The following LHX8 variants were observed in gnomAD, a reference collection of about 807,000 sequenced individuals.
The protein encoded by LHX8 is LIM homeobox 8, also known as LIM/homeobox protein Lhx8.
Under a neutral mutation model 40.3 loss-of-function variants are expected in LHX8, and 12 were observed. That is an observed-to-expected ratio of 0.30 (90% CI 0.19 to 0.48). The LOEUF (loss-of-function observed/expected upper bound fraction) is 0.48. LHX8 is among the 20% of genes least tolerant of loss of function. The pLI, the probability that LHX8 is intolerant of heterozygous loss-of-function variation, is 0.99. For missense variants in LHX8, 344 were observed against 433.7 expected, an observed-to-expected ratio of 0.79 and a Z score of 1.84; for synonymous variants, 179 against 162.0, an observed-to-expected ratio of 1.10 and a Z score of -0.80.
At position 75,137,153 on chromosome 1, in the gene LHX8, G is replaced by C. The variant is rs761552221; in HGVS notation, c.129G>C (p.Leu43=). The change falls in exon 3 of 9, where the codon CTG becomes CTC. Residue 43 remains leucine, a synonymous_variant. Transcript: ENST00000356261. ...DEDSCSSSAP[L]SPSSSPRSMA... The stretch of plus-strand genomic sequence containing the variant: ...ACTCGTGCTCCTCCTCGGCCCCGCT[G>C]TCCCCGTCGTCCTCGCCCCGGTCCA... The C allele has an allele frequency of 6.2e-7, 1 of 1,612,892 alleles. No individual in the cohort carries two copies. Among genetic ancestry groups the C allele is most frequent in the Non-Finnish European group, 8.5e-7 (1 of 1,179,624 alleles).
the LHX8 span, among the ~76,000 whole-genome samples, chr1:75,181,688 C>G: frequency 6.6e-6 from 1 of 152,210 alleles, no homozygotes; most frequent in African/African-American, 2.4e-5. Context: ...CTTTGGCTGG[C>G]TCTCCAAGGG....
the LHX8 span, among the ~76,000 whole-genome samples, chr1:75,180,377 C>A: frequency 7.0e-4 from 106 of 152,254 alleles, no homozygotes; most frequent in African/African-American, 2.5e-3. Flanking sequence ...TTCTTGGAGG[C>A]TTTGTTCATT....
chr1:75,173,374 C>CTTTTTTT, the LHX8 span, among the ~76,000 whole-genome samples: 1 of 96,470 alleles, frequency 1.0e-5, no homozygotes, highest in African/African-American at 4.1e-5. Context: ...GATATATACT[C>CTTTTTTT]TTTTTTTTTT....
the LHX8 span, among the ~76,000 whole-genome samples, chr1:75,196,584 GGCT>G: frequency 5.7e-4 from 87 of 152,098 alleles, 2 homozygotes; most frequent in Non-Finnish European, 4.3e-4. Flanking sequence ...CCTAATGCTT[GGCT>G]CAGTGGTTTA....
chr1:75,192,976 G>A, the LHX8 span, among the ~76,000 whole-genome samples: 1 of 152,216 alleles, frequency 6.6e-6, no homozygotes, highest in South Asian at 2.1e-4. Flanking sequence ...TTACAGGCAT[G>A]AGCCACCATG....
the LHX8 span, among the ~76,000 whole-genome samples, chr1:75,194,834 T>G: frequency 6.6e-6 from 1 of 152,170 alleles, no homozygotes; most frequent in Non-Finnish European, 1.5e-5. Flanking sequence ...CCTAAGAAAT[T>G]TCTCCTGAGA....
At chr1:75,162,153 T>A (rs1262540117), downstream of LHX8, among the ~76,000 whole-genome samples, 1 of 152,086 alleles carries the variant, frequency 6.6e-6, no homozygotes, top group Non-Finnish European at 1.5e-5. Context: ...ATTCTAGTAA[T>A]CATAAATACA....
At chr1:75,150,099 A>G (rs1277492598) in intron 7 of LHX8, among the ~76,000 whole-genome samples, 1 of 152,140 alleles carries the variant, frequency 6.6e-6, no homozygotes, top group Admixed American at 6.5e-5. Context: ...ACAGCCAGGC[A>G]TGCTAGTGTG....
At chr1:75,158,218 C>T (rs1648822167) in intron 8 of LHX8, among the ~76,000 whole-genome samples, 1 of 152,066 alleles carries the variant, frequency 6.6e-6, no homozygotes, top group Non-Finnish European at 1.5e-5. Context: ...TGTCTTTTGG[C>T]CTACTGGCTT....
At chr1:75,160,747 G>T in intron 8 of LHX8, 72 bp from the exon 9 acceptor site, 1 of 1,009,348 alleles carries the variant, frequency 9.9e-7, no homozygotes, top group Non-Finnish European at 1.6e-6. Context: ...GCCTTGGATT[G>T]TTTTTGTTTG....
the LHX8 span, among the ~76,000 whole-genome samples, chr1:75,197,558 G>A: frequency 6.6e-6 from 1 of 152,080 alleles, no homozygotes; most frequent in Non-Finnish European, 1.5e-5. Context: ...ATGACTTCTA[G>A]CCACTTCTTT....
chr1:75,173,661 C>T, the LHX8 span, among the ~76,000 whole-genome samples: 4 of 152,028 alleles, frequency 2.6e-5, no homozygotes, highest in East Asian at 3.9e-4. Context: ...GGATTACAGG[C>T]GTGAGCCACC....
chr1:75,193,549 CAGA>C, the LHX8 span, among the ~76,000 whole-genome samples: 2 of 152,268 alleles, frequency 1.3e-5, no homozygotes, highest in Admixed American at 1.3e-4. Context: ...CCCCAGAATC[CAGA>C]AGGTTTCCGT....
At chr1:75,158,795 G>T (rs1467513462) in intron 8 of LHX8, among the ~76,000 whole-genome samples, 1 of 151,956 alleles carries the variant, frequency 6.6e-6, no homozygotes, top group Non-Finnish European at 1.5e-5. Context: ...CTATTTTGTT[G>T]TTATTCAAGT....
chr1:75,148,785 C>T, intron 7 of LHX8, 103 bp downstream of exon 7: 2 of 793,890 alleles, frequency 2.5e-6, no homozygotes. Context: ...TTAAGTGATT[C>T]TCCCACCTCA....
At chr1:75,171,434 T>C in the LHX8 span, among the ~76,000 whole-genome samples, 2 of 151,498 alleles carry the variant, frequency 1.3e-5, no homozygotes, top group African/African-American at 4.8e-5. Flanking sequence ...ATTATTATTA[T>C]TATTATTTAG....
At chr1:75,192,020 T>A in the LHX8 span, among the ~76,000 whole-genome samples, 1 of 152,208 alleles carries the variant, frequency 6.6e-6, no homozygotes, top group African/African-American at 2.4e-5. Flanking sequence ...GAATCCTATC[T>A]CCACCACTGA....
chr1:75,177,600 TACGATC>T, the LHX8 span, among the ~76,000 whole-genome samples: 1 of 152,214 alleles, frequency 6.6e-6, no homozygotes, highest in African/African-American at 2.4e-5. Flanking sequence ...TTTCTAAATA[TACGATC>T]ATGTCATCGG....
At chr1:75,197,656 G>A in the LHX8 span, among the ~76,000 whole-genome samples, 3 of 152,064 alleles carry the variant, frequency 2.0e-5, no homozygotes, top group Non-Finnish European at 4.4e-5. Context: ...TTTCTTTGCC[G>A]ATTTTATTTA....
Sources: gnomAD v4.1 joint callset for allele counts (sites outside exome capture counted in the v4.1 genomes callset) on GRCh38, gnomAD v4.1.1 for gene constraint, MANE v1.5 for transcripts, NCBI Gene and HGNC (gene_info 2026-07-23, HGNC 2026-07-21) for gene names.